Variants in ELAVL4 observed in about 807,000 individuals in gnomAD.
ELAVL4 encodes ELAV-like protein 4.
ELAVL4 carries 1 observed loss-of-function variant against 35.6 expected under a neutral mutation model. That is an observed-to-expected ratio of 0.03 (90% confidence interval 0.01 to 0.13). The LOEUF (loss-of-function observed/expected upper bound fraction) is 0.13, where lower values mean the gene tolerates loss of function less well. Among genes scored for constraint, ELAVL4 ranks in the 10% least tolerant of loss-of-function variants. The probability of loss-of-function intolerance (pLI) is 1.00; values close to 1 mark genes in which losing one functional copy is unlikely to be tolerated. For synonymous variants in ELAVL4, 156 were observed against 171.0 expected (o/e 0.91, Z 0.69); for missense variants, 267 against 464.9 (o/e 0.57, Z 3.91).
intron 1 of ELAVL4, among the ~76,000 whole-genome samples, chr1:50,144,121 A>G (rs193149854): frequency 3.9e-5 from 6 of 152,206 alleles, no homozygotes; most frequent in Non-Finnish European, 7.3e-5. Context: ...ATAGACTATA[A>G]GCTCCCTGAG....
chr1:50,100,282 C>T (rs185652305), upstream of ELAVL4, among the ~76,000 whole-genome samples: 4 of 152,242 alleles, frequency 2.6e-5, no homozygotes, highest in Admixed American at 6.5e-5. Context: ...TTATAAAGAA[C>T]GTACTGAATA....
intron 1 of ELAVL4, among the ~76,000 whole-genome samples, chr1:50,114,328 T>G (rs553659594): frequency 6.6e-6 from 1 of 152,140 alleles, no homozygotes; most frequent in Admixed American, 6.5e-5. Context: ...AAGATGGAAG[T>G]GTTAACATCT....
At chr1:50,115,016 G>A (rs1667704230) in intron 1 of ELAVL4, 1 of 151,942 alleles carries the variant, frequency 6.6e-6, no homozygotes. Flanking sequence ...ATAGGCTGGT[G>A]ACTTTCTCTC....
chr1:50,133,625 A>AAGAAAG (rs944700687), intron 1 of ELAVL4, among the ~76,000 whole-genome samples: 4 of 150,904 alleles, frequency 2.7e-5, no homozygotes, highest in Admixed American at 6.6e-5. Context: ...GAAAGAAAGA[A>AAGAAAG]AGAAAGAAAG....
chr1:50,138,465 CTT>C (rs71733060), intron 1 of ELAVL4, among the ~76,000 whole-genome samples: 15 of 146,604 alleles, frequency 1.0e-4, no homozygotes, highest in South Asian at 4.4e-4. Flanking sequence ...TGAATGAGTG[CTT>C]TTTTTTTTTT....
At chr1:50,103,385 A>G (rs781158039), upstream of ELAVL4, among the ~76,000 whole-genome samples, 3 of 152,176 alleles carry the variant, frequency 2.0e-5, no homozygotes, top group Non-Finnish European at 4.4e-5. Flanking sequence ...CCTCTGTAGT[A>G]TGTTTGCATT....
intron 1 of ELAVL4, among the ~76,000 whole-genome samples, chr1:50,135,943 A>G (rs545220640): frequency 6.6e-6 from 1 of 152,128 alleles, no homozygotes; most frequent in South Asian, 2.1e-4. Context: ...TAGAGTTATC[A>G]GATCATCAGT....
upstream of ELAVL4, among the ~76,000 whole-genome samples, chr1:50,099,247 C>T (rs1021439559): frequency 6.6e-6 from 1 of 152,158 alleles, no homozygotes; most frequent in African/African-American, 2.4e-5. Flanking sequence ...GCCATGCAAG[C>T]TCACAGTACA....
upstream of ELAVL4, among the ~76,000 whole-genome samples, chr1:50,107,151 T>C (rs1384664287): frequency 6.6e-6 from 1 of 152,208 alleles, no homozygotes; most frequent in Non-Finnish European, 1.5e-5. Flanking sequence ...TGCTGAACCA[T>C]TTAGAACACT....
At chr1:50,050,960 T>G (rs1663336368) in intron 1 of ELAVL4, among the ~76,000 whole-genome samples, 1 of 152,144 alleles carries the variant, frequency 6.6e-6, no homozygotes, top group South Asian at 2.1e-4. Flanking sequence ...GTTGATATAT[T>G]CAAATTCATC....
At chr1:50,068,253 C>A (rs1270893972) in intron 1 of ELAVL4, among the ~76,000 whole-genome samples, 1 of 152,090 alleles carries the variant, frequency 6.6e-6, no homozygotes, top group Non-Finnish European at 1.5e-5. Context: ...TAAGACCATG[C>A]ATAACTAGAC....
At chr1:50,052,433 T>A (rs1430985334) in intron 1 of ELAVL4, among the ~76,000 whole-genome samples, 1 of 152,190 alleles carries the variant, frequency 6.6e-6, no homozygotes, top group East Asian at 1.9e-4. Context: ...TAGCAATGTC[T>A]TTCATTGATC....
intron 2 of ELAVL4, among the ~76,000 whole-genome samples, chr1:50,163,734 G>A (rs1677222862): frequency 6.6e-6 from 1 of 152,180 alleles, no homozygotes; most frequent in African/African-American, 2.4e-5. Context: ...GCTAAGGCAT[G>A]AGAATTGCTT....
At chr1:50,071,840 C>T (rs1167741147) in intron 1 of ELAVL4, among the ~76,000 whole-genome samples, 2 of 152,016 alleles carry the variant, frequency 1.3e-5, no homozygotes, top group African/African-American at 2.4e-5. Context: ...GGAGAGGCTC[C>T]CTACCACATA....
At chr1:50,177,032 C>T (rs1680159012) in intron 2 of ELAVL4, 57 bp from the exon 3 acceptor site, 2 of 1,440,430 alleles carry the variant, frequency 1.4e-6, no homozygotes, top group Non-Finnish European at 1.9e-6. Flanking sequence ...CTCTCTCTCT[C>T]TTTCTCTCTG....
chr1:50,143,156 A>T (rs904242983), intron 1 of ELAVL4, among the ~76,000 whole-genome samples: 1 of 152,172 alleles, frequency 6.6e-6, no homozygotes, highest in Non-Finnish European at 1.5e-5. Flanking sequence ...CATGTTCTGT[A>T]TTGTGATCTG....
At position 50,053,361 on chromosome 1, in the gene ELAVL4, G is replaced by C. The variant is rs186267833; in HGVS notation, c.18+5179G>C. On this transcript the variant is annotated intron_variant, in intron 1 of 6. Transcript: ENST00000448907. The stretch of plus-strand genomic sequence containing the variant: ...GATTGGTTTTTGTTTTTTATGTTTT[G>C]TGTTTTTGAGACGGTCTTGCTCTGT... Among the ~76,000 whole-genome samples the C allele has an allele frequency of 4.7e-4, 72 of 152,092 alleles. 1 individual carries two copies. The highest frequency in any genetic ancestry group is 1.7e-3 in the African/African-American group (72 of 41,492).
intron 2 of ELAVL4, among the ~76,000 whole-genome samples, chr1:50,171,133 T>C (rs1175575408): frequency 6.6e-6 from 1 of 152,154 alleles, no homozygotes; most frequent in Admixed American, 6.5e-5. Context: ...AACACTGGGC[T>C]TGCAGGAAAT....
At chr1:50,055,524 C>T (rs1182829387) in intron 1 of ELAVL4, among the ~76,000 whole-genome samples, 2 of 151,900 alleles carry the variant, frequency 1.3e-5, no homozygotes, top group African/African-American at 4.8e-5. Flanking sequence ...TGGTCTTGAT[C>T]TCCTGACCTC....
Sources: gnomAD v4.1 joint callset for allele counts (sites outside exome capture counted in the v4.1 genomes callset) on GRCh38, gnomAD v4.1.1 for gene constraint, MANE v1.5 for transcripts, NCBI Gene and HGNC (gene_info 2026-07-23, HGNC 2026-07-21) for gene names.